Variants in C11orf42 observed in about 807,000 individuals in gnomAD.
C11orf42 encodes chromosome 11 open reading frame 42, also known as uncharacterized protein C11orf42.
A neutral mutation model predicts 27.9 loss-of-function variants in C11orf42; 24 were observed. The ratio of observed to expected loss-of-function variants is 0.86; its 90% CI spans 0.62 to 1.21. The LOEUF (loss-of-function observed/expected upper bound fraction) is 1.21. C11orf42 is among the 50% of genes most tolerant of loss of function. The probability of loss-of-function intolerance (pLI) is 0.00; values close to 1 mark genes in which losing one functional copy is unlikely to be tolerated. For missense variants in C11orf42, 455 were observed against 424.1 expected (o/e 1.07, Z -0.64); for synonymous variants, 187 against 180.8 (o/e 1.03, Z -0.28).
Position 6,211,047 on chromosome 11 carries a change from G to T in C11orf42, c.*5G>T, listed in dbSNP as rs779351683. 1 of 1,610,042 alleles carries T rather than the reference G, an allele frequency of 6.2e-7. No individual in the cohort carries two copies. Among genetic ancestry groups the T allele is most frequent in the Non-Finnish European group, 8.5e-7 (1 of 1,178,764 alleles). On this transcript the variant is annotated 3_prime_UTR_variant, in exon 3 of 3. Transcript: ENST00000316375. ...GAGTTCGACAGTGACGACTGAAGCT[G>T]AAGCAAAAGATTCCGGGGGCAAAGC...
chr11:6,207,363 C>T (rs543165908), intron 1 of C11orf42, among the ~76,000 whole-genome samples: 1 of 152,082 alleles, frequency 6.6e-6, no homozygotes, highest in South Asian at 2.1e-4. Context: ...CAGAGATTCA[C>T]CCTTTTAGCA....
intron 1 of C11orf42, among the ~76,000 whole-genome samples, 162 bp downstream of exon 1, chr11:6,205,849 G>A (rs993437907): frequency 6.6e-6 from 1 of 152,118 alleles, no homozygotes; most frequent in Non-Finnish European, 1.5e-5. Flanking sequence ...TTATTGGCAC[G>A]AACCGCCCCA....
In C11orf42 at chr11:6,210,674, G is replaced by A. The variant is rs1362466281; in HGVS notation, c.871+26G>A. 6.2e-7 allele frequency: 1 copy of A among 1,605,458 alleles called. No individual in the cohort carries two copies. The highest frequency in any genetic ancestry group is 2.2e-5 in the East Asian group (1 of 44,842). On this transcript the variant is annotated intron_variant, in intron 2 of 2. Coordinates refer to ENST00000316375, the MANE Select transcript of C11orf42 (RefSeq NM_173525.3). The surrounding 1 kb of genome is among the most constrained non-coding windows in gnomAD (Gnocchi z 4.0). ...GTACTACTAGGGGAAATGATGATGA[G>A]ATGGATGGGAGGGACAAAGTGAAGG...
rs114122767 is a variant in C11orf42, at chr11:6,210,238, G to A, written c.461G>A (p.Arg154Gln). The change falls in exon 2 of 3, where the codon CGA becomes CAA. Residue 154 changes from arginine (R) to glutamine (Q), a missense_variant. Arg to Gln is a conservative substitution (Grantham distance 43). Coordinates refer to ENST00000316375, the MANE Select transcript of C11orf42 (RefSeq NM_173525.3). The surrounding 1 kb of genome is among the most constrained non-coding windows in gnomAD (Gnocchi z 4.0). The part of the protein sequence containing the change: ...VSLQQTLPWL[R>Q]STHSIYVIYQ... ...CTACAGCAGACTCTTCCCTGGCTCCGAAGCACCCACAGCATCTATGTCATC... is the reference window on the plus strand; with the variant it reads ...CTACAGCAGACTCTTCCCTGGCTCCAAAGCACCCACAGCATCTATGTCATC... 1,047 of 1,614,186 alleles carry A rather than the reference G, an allele frequency of 6.5e-4. 11 individuals carry two copies. The African/African-American group carries it at 0.012, about 18-fold the overall frequency.
chr11:6,205,563 C>A lies in C11orf42; in HGVS notation c.-53C>A. The A allele has an allele frequency of 6.9e-7, 1 of 1,453,130 alleles. No homozygotes were observed. The highest frequency in any genetic ancestry group is 9.6e-7 in the Non-Finnish European group (1 of 1,039,598). 90.0% of individuals were successfully genotyped at this position (1,453,130 alleles called of 1,614,324 possible). On this transcript the variant is annotated 5_prime_UTR_variant, in exon 1 of 3. Coordinates refer to ENST00000316375, the MANE Select transcript of C11orf42 (RefSeq NM_173525.3). ...CCTCAGGTCTCACCTCCCTGGGCTG[C>A]CTGGGGTTCCTGCAGCAGCCACTGC...
In C11orf42 at chr11:6,211,106, A is replaced by G. The variant is rs147478815; in HGVS notation, c.*64A>G. 1,502 of 1,580,768 alleles carry G rather than the reference A, an allele frequency of 9.5e-4. 16 individuals carry two copies. In the East Asian group the frequency reaches 0.013, roughly 14 times the overall value. On this transcript the variant is annotated 3_prime_UTR_variant, in exon 3 of 3. Coordinates refer to ENST00000316375, the MANE Select transcript of C11orf42 (RefSeq NM_173525.3). The stretch of plus-strand genomic sequence containing the variant: ...TCTGGCATAGGGGTACTGGTCTCTA[A>G]TAAACATCAGCTGCTGCTCCCCCAA...
intron 1 of C11orf42, among the ~76,000 whole-genome samples, chr11:6,206,144 G>A (rs1375568278): frequency 6.6e-6 from 1 of 152,136 alleles, no homozygotes; most frequent in Non-Finnish European, 1.5e-5. Context: ...GTAAAAACAA[G>A]GAGAGGAAAA....
At chr11:6,208,582 A>G (rs1847005770) in intron 1 of C11orf42, among the ~76,000 whole-genome samples, 1 of 152,052 alleles carries the variant, frequency 6.6e-6, no homozygotes, top group Admixed American at 6.5e-5. Flanking sequence ...GTGTGCCACC[A>G]CACCCAGCTA....
Position 6,205,657 on chromosome 11 carries a change from T to A in C11orf42, c.42T>A (p.Ala14=). Residue 14 remains alanine (A), a synonymous_variant, in exon 1 of 3, where the codon GCT becomes GCA. Transcript: ENST00000316375. ...GTPNLLTLDE[A]DATWTLIKDK... is the part of the protein sequence containing the mutation. ...CCAACCTGCTGACACTGGATGAAGC[T>A]GATGCCACCTGGACCCTCATCAAGG... 1 of 1,613,882 alleles carries A rather than the reference T, an allele frequency of 6.2e-7. No individual in the cohort carries two copies. The highest frequency in any genetic ancestry group is 8.5e-7 in the Non-Finnish European group (1 of 1,179,878).
intron 1 of C11orf42, among the ~76,000 whole-genome samples, chr11:6,207,250 A>G (rs1338638681): frequency 6.6e-6 from 1 of 152,204 alleles, no homozygotes; most frequent in Non-Finnish European, 1.5e-5. Context: ...ATTTTAGGAT[A>G]ACCACTGTGG....
chr11:6,205,562 G>T lies in C11orf42; in HGVS notation c.-54G>T. Reference sequence around the variant, plus strand: ...ACCTCAGGTCTCACCTCCCTGGGCTGCCTGGGGTTCCTGCAGCAGCCACTG... The same window carrying T: ...ACCTCAGGTCTCACCTCCCTGGGCTTCCTGGGGTTCCTGCAGCAGCCACTG... On this transcript the variant is annotated 5_prime_UTR_variant, in exon 1 of 3. Coordinates refer to ENST00000316375, the MANE Select transcript of C11orf42 (RefSeq NM_173525.3). The T allele has an allele frequency of 2.1e-6, 3 of 1,437,410 alleles. No homozygotes were observed. Among genetic ancestry groups the T allele is most frequent in the Non-Finnish European group, 2.9e-6 (3 of 1,025,506 alleles). 89.0% of individuals were successfully genotyped at this position (1,437,410 alleles called of 1,614,324 possible).
rs1178751509 is a variant in C11orf42, at chr11:6,209,855, C to T, written c.78C>T (p.Ile26=). 8.9e-6 allele frequency: 14 copies of T among 1,579,480 alleles called. No homozygotes were observed. Among genetic ancestry groups the T allele is most frequent in the South Asian group, 4.5e-5 (4 of 88,196 alleles). The change falls in exon 2 of 3, where the codon ATC becomes ATT. Residue 26 remains isoleucine (I), a synonymous_variant. Transcript: ENST00000316375. ...ATWTLIKDKV[I]EEHFGPNAVA... Reference sequence around the variant, plus strand: ...TATAAACTGGCCACCTGCAGGTCATCGAGGAGCACTTTGGGCCCAATGCAG... The same window carrying T: ...TATAAACTGGCCACCTGCAGGTCATTGAGGAGCACTTTGGGCCCAATGCAG...
At position 6,209,905 on chromosome 11, in the gene C11orf42, C is replaced by T; in HGVS notation, c.128C>T (p.Ala43Val). 1.9e-6 allele frequency: 3 copies of T among 1,601,278 alleles called. No individual in the cohort carries two copies. Among genetic ancestry groups the T allele is most frequent in the Non-Finnish European group, 2.6e-6 (3 of 1,169,062 alleles). ...GTAGCAGTACCTTTCCTGTCAGATGCAGCCTGCTATGACCTACTGGGTGTG... is the reference window on the plus strand; with the variant it reads ...GTAGCAGTACCTTTCCTGTCAGATGTAGCCTGCTATGACCTACTGGGTGTG... ...NAVAVPFLSD[A>V]ACYDLLGVLV... Residue 43 changes from alanine (A) to valine (V), a missense_variant, in exon 2 of 3, where the codon GCA becomes GTA. Transcript: ENST00000316375.
At position 6,205,569 on chromosome 11, in the gene C11orf42, G is replaced by A. The variant is rs760902058; in HGVS notation, c.-47G>A. 14 of 1,510,488 alleles carry A rather than the reference G, an allele frequency of 9.3e-6. No homozygotes were observed. The Admixed American group carries it at 2.1e-4, about 22-fold the overall frequency. The allele number at this position is 1,510,488 out of a possible 1,614,324, so 93.6% of individuals were successfully genotyped here. A position where few individuals can be genotyped will look rare whatever the true frequency, so the allele number is the denominator to read the frequency against. Reference sequence around the variant, plus strand: ...GTCTCACCTCCCTGGGCTGCCTGGGGTTCCTGCAGCAGCCACTGCCCTGCC... The same window carrying A: ...GTCTCACCTCCCTGGGCTGCCTGGGATTCCTGCAGCAGCCACTGCCCTGCC... On this transcript the variant is annotated 5_prime_UTR_variant, in exon 1 of 3. Transcript: ENST00000316375.
At chr11:6,208,635 C>A (rs966797451) in intron 1 of C11orf42, among the ~76,000 whole-genome samples, 1 of 152,100 alleles carries the variant, frequency 6.6e-6, no homozygotes, top group Non-Finnish European at 1.5e-5. Flanking sequence ...CCATGTTGGT[C>A]AGGATGGTCT....
rs749213397 is a variant in C11orf42 at position 6,210,452 on chromosome 11, G to A, written c.675G>A (p.Trp225Ter). 8 of 1,613,994 alleles carry A rather than the reference G, an allele frequency of 5.0e-6. No individual in the cohort carries two copies. In the East Asian group the frequency reaches 1.6e-4, roughly 31 times the overall value. Residue 225 changes from tryptophan (W) to a stop codon, truncating the protein, a stop_gained, in exon 2 of 3, where the codon TGG becomes TGA. Transcript: ENST00000316375. LOFTEE classifies it high-confidence loss of function. The surrounding 1 kb of genome is among the most constrained non-coding windows in gnomAD (Gnocchi z 4.0). ...TKDPLPHGAN[W>*]VRPNLSIMPP... ...ACCCATTGCCCCATGGGGCCAACTG[G>A]GTCAGACCCAACCTCAGCATCATGC...
chr11:6,208,181 GAAACAAAC>G (rs200016275), intron 1 of C11orf42, among the ~76,000 whole-genome samples: 13 of 151,642 alleles, frequency 8.6e-5, no homozygotes, highest in Middle Eastern at 6.8e-3. Flanking sequence ...AGGCCATGAT[GAAACAAAC>G]AAACAAACAA....
At position 6,210,094 on chromosome 11, in the gene C11orf42, CAG is replaced by C; in HGVS notation, c.324_325del (p.Arg108SerfsTer3). 1.2e-6 allele frequency: 2 copies of C among 1,614,234 alleles called. No homozygotes were observed. Among genetic ancestry groups the C allele is most frequent in the Non-Finnish European group, 1.7e-6 (2 of 1,180,042 alleles). On this transcript the variant is annotated frameshift_variant, in exon 2 of 3. Coordinates refer to ENST00000316375, the MANE Select transcript of C11orf42 (RefSeq NM_173525.3). LOFTEE classifies it high-confidence loss of function. This position sits in a 1 kb window ranked among gnomAD's most constrained non-coding sequence, Gnocchi z 4.0. ...CGGGAATACTCACCAAATGGCCGAG[CAG>C]AGAGAGCCTATGAAGAGACGCGAAT...
At chr11:6,205,753 G>A in intron 1 of C11orf42, 66 bp downstream of exon 1, 1 of 1,327,420 alleles carries the variant, frequency 7.5e-7, no homozygotes, top group South Asian at 1.2e-5. Context: ...TCAGCAGCTT[G>A]TGAGTAGGAA....
Sources: gnomAD v4.1 joint callset for allele counts (sites outside exome capture counted in the v4.1 genomes callset) on GRCh38, gnomAD v4.1.1 for gene constraint, Gnocchi (gnomAD v3.1) non-coding constraint, MANE v1.5 for transcripts, NCBI Gene and HGNC (gene_info 2026-07-23, HGNC 2026-07-21) for gene names.